Variants in PHF14 observed in about 807,000 individuals in gnomAD.
PHF14 encodes the protein PHD finger protein 14.
Under a neutral mutation model 117.9 loss-of-function variants are expected in PHF14, and 55 were observed. The ratio of observed to expected loss-of-function variants is 0.47; its 90% CI spans 0.38 to 0.58. PHF14 has a LOEUF of 0.58. Ranked by LOEUF, PHF14 falls within the 20% of genes least tolerant of loss-of-function variation. The pLI is 0.00. For missense variants in PHF14, 978 were observed against 1,122.2 expected (o/e 0.87, Z 1.84); for synonymous variants, 409 against 368.6 (o/e 1.11, Z -1.26).
At chr7:10,976,387 TAAG>T (rs1256934432) in intron 2 of PHF14, among the ~76,000 whole-genome samples, 1 of 152,188 alleles carries the variant, frequency 6.6e-6, no homozygotes, top group Non-Finnish European at 1.5e-5. Flanking sequence ...CCTTGGCAGA[TAAG>T]AATATTCCTG....
intron 17 of PHF14, among the ~76,000 whole-genome samples, chr7:11,141,695 T>C (rs1462344567): frequency 6.6e-6 from 1 of 152,076 alleles, no homozygotes; most frequent in African/African-American, 2.4e-5. Flanking sequence ...ATTAATAGTT[T>C]CGTGTTGCAT....
rs142325625 is a variant in PHF14, at chr7:11,033,850, A to G, written c.1456-1790A>G. ...CATCTCTGTCACCAAGATTTAGAGC[A>G]TGTCATGAGAAAGCAGCTGTTTGTA... On this transcript the variant is annotated intron_variant, in intron 7 of 17. Transcript: ENST00000634607. Among the ~76,000 whole-genome samples, 225 of 152,280 alleles carry G rather than the reference A, an allele frequency of 1.5e-3. 2 individuals carry two copies. Among genetic ancestry groups the G allele is most frequent in the African/African-American group, 5.2e-3 (217 of 41,570 alleles).
intron 16 of PHF14, among the ~76,000 whole-genome samples, chr7:11,080,031 T>C (rs1786026133): frequency 6.6e-6 from 1 of 152,164 alleles, no homozygotes; most frequent in South Asian, 2.1e-4. Flanking sequence ...AGATGGATTC[T>C]TGTCAACTTT....
intron 17 of PHF14, among the ~76,000 whole-genome samples, chr7:11,126,755 C>T (rs1787940015): frequency 6.7e-6 from 1 of 149,690 alleles, no homozygotes; most frequent in Non-Finnish European, 1.5e-5. Flanking sequence ...ATTTTTTTAA[C>T]CTCCTCATAG....
chr7:11,153,162 T>C (rs1207178548), intron 17 of PHF14, among the ~76,000 whole-genome samples: 1 of 152,194 alleles, frequency 6.6e-6, no homozygotes, highest in African/African-American at 2.4e-5. Context: ...GCAAGGAGGC[T>C]GATTAGGAAG....
At chr7:11,082,233 C>A (rs1786170502) in intron 16 of PHF14, among the ~76,000 whole-genome samples, 1 of 152,068 alleles carries the variant, frequency 6.6e-6, no homozygotes, top group Admixed American at 6.5e-5. Flanking sequence ...ATAGTCCCAG[C>A]TACTTAGGAG....
chr7:10,986,008 T>C (rs1640713), intron 3 of PHF14, among the ~76,000 whole-genome samples: 68 of 151,204 alleles, frequency 4.5e-4, no homozygotes, highest in Non-Finnish European at 7.5e-4. Context: ...TCGCTTTGTT[T>C]CCTGGACTGG....
At chr7:11,110,483 CA>C in intron 16 of PHF14, 1 of 937,906 alleles carries the variant, frequency 1.1e-6, no homozygotes, top group South Asian at 4.9e-5. Context: ...ATTCTTTTTA[CA>C]AAGCACTGAA....
chr7:11,098,447 C>T (rs1371831077), intron 16 of PHF14, among the ~76,000 whole-genome samples: 1 of 152,060 alleles, frequency 6.6e-6, no homozygotes, highest in Non-Finnish European at 1.5e-5. Context: ...CCTTGGATCC[C>T]TCTCTGTCTG....
intron 4 of PHF14, 133 bp downstream of exon 4, chr7:10,990,980 A>G (rs138149666): frequency 7.1e-5 from 42 of 593,438 alleles, no homozygotes; most frequent in Admixed American, 1.8e-4. Context: ...TATGGATGCT[A>G]TTTTTCAGGT....
chr7:11,020,791 T>C (rs1339315842), intron 5 of PHF14, among the ~76,000 whole-genome samples: 1 of 152,210 alleles, frequency 6.6e-6, no homozygotes, highest in Non-Finnish European at 1.5e-5. Context: ...CAATTCTTCA[T>C]ATGTAAATGA....
At chr7:11,063,780 A>G (rs1429498000) in intron 16 of PHF14, 1 of 646,656 alleles carries the variant, frequency 1.5e-6, no homozygotes, top group African/African-American at 2.0e-5. Flanking sequence ...TTTAATAAAA[A>G]AAGTGCCATC....
chr7:11,127,321 CT>C (rs1787955469), intron 17 of PHF14, among the ~76,000 whole-genome samples: 1 of 150,462 alleles, frequency 6.6e-6, no homozygotes. Context: ...CTGTGGGTTA[CT>C]TGTGACTTCC....
chr7:10,990,059 G>C (rs890944314), intron 3 of PHF14, among the ~76,000 whole-genome samples: 2 of 151,844 alleles, frequency 1.3e-5, no homozygotes, highest in Non-Finnish European at 2.9e-5. Flanking sequence ...TCCTTTTTTA[G>C]ATTATTTTCT....
intron 3 of PHF14, among the ~76,000 whole-genome samples, chr7:10,989,485 A>G (rs1038309410): frequency 2.0e-5 from 3 of 152,220 alleles, no homozygotes; most frequent in Non-Finnish European, 2.9e-5. Flanking sequence ...ATTATATGTA[A>G]TGTTAAGCAC....
intron 17 of PHF14, among the ~76,000 whole-genome samples, chr7:11,119,998 A>G (rs754992131): frequency 1.3e-5 from 2 of 151,968 alleles, no homozygotes; most frequent in Non-Finnish European, 2.9e-5. Context: ...GACATTTCTG[A>G]AATTAGATTG....
At chr7:11,023,052 G>A (rs1301672647) in intron 6 of PHF14, 73 bp downstream of exon 6, 5 of 713,730 alleles carry the variant, frequency 7.0e-6, no homozygotes, top group Middle Eastern at 2.4e-4. Flanking sequence ...CTTTTTATTT[G>A]TATTATGTTG....
At chr7:11,020,921 A>G (rs1172157198) in intron 5 of PHF14, among the ~76,000 whole-genome samples, 1 of 152,180 alleles carries the variant, frequency 6.6e-6, no homozygotes, top group Non-Finnish European at 1.5e-5. Context: ...TATAACTTCC[A>G]AACTACCTTT....
At chr7:11,137,993 G>A (rs183333435) in intron 17 of PHF14, among the ~76,000 whole-genome samples, 1 of 151,604 alleles carries the variant, frequency 6.6e-6, no homozygotes, top group East Asian at 2.0e-4. Flanking sequence ...CAGACCAGCA[G>A]TATATCTGTG....
Sources: allele counts gnomAD v4.1 joint callset (sites outside exome capture counted in the v4.1 genomes callset), GRCh38; gene constraint gnomAD v4.1.1; transcripts MANE v1.5; gene names NCBI Gene and HGNC (gene_info 2026-07-23, HGNC 2026-07-21).